The following CALN1 variants were observed in gnomAD, a reference collection of about 807,000 sequenced individuals.
CALN1 encodes the protein calneuron 1, also known as calcium-binding protein 8.
A neutral mutation model predicts 30.6 loss-of-function variants in CALN1; 17 were observed. The observed-to-expected ratio is 0.56, with a 90% CI of 0.38 to 0.83. The LOEUF (loss-of-function observed/expected upper bound fraction) is 0.83. CALN1 is among the 40% of genes least tolerant of loss of function. The probability of loss-of-function intolerance (pLI) is 0.00; values close to 1 mark genes in which losing one functional copy is unlikely to be tolerated. For synonymous variants in CALN1, 156 were observed against 131.4 expected, an observed-to-expected ratio of 1.19 and a Z score of -1.28; for missense variants, 291 against 354.9, an observed-to-expected ratio of 0.82 and a Z score of 1.45.
At chr7:72,035,941 T>C (rs958296228) in intron 4 of CALN1, among the ~76,000 whole-genome samples, 2 of 152,238 alleles carry the variant, frequency 1.3e-5, no homozygotes, top group East Asian at 1.9e-4. Context: ...TTGTGATCTT[T>C]ATTGCTTCAT....
chr7:72,469,490 G>A, the CALN1 span, among the ~76,000 whole-genome samples: 8 of 152,126 alleles, frequency 5.3e-5, no homozygotes, highest in Non-Finnish European at 4.4e-5. Context: ...TCCACCTCCT[G>A]GGTTCAAGCA....
At chr7:72,384,949 T>A (rs1805122410) in intron 2 of CALN1, among the ~76,000 whole-genome samples, 1 of 151,806 alleles carries the variant, frequency 6.6e-6, no homozygotes, top group Non-Finnish European at 1.5e-5. Flanking sequence ...ATCTTAAAAC[T>A]CAAAAATGAA....
At chr7:71,815,840 CTCCT>C (rs957789661) in intron 5 of CALN1, among the ~76,000 whole-genome samples, 5 of 135,574 alleles carry the variant, frequency 3.7e-5, no homozygotes, top group South Asian at 5.4e-4. Context: ...CCCTCCCTCC[CTCCT>C]TCCTTCCTTC....
At chr7:72,080,235 C>T (rs909771828) in intron 4 of CALN1, among the ~76,000 whole-genome samples, 2 of 152,170 alleles carry the variant, frequency 1.3e-5, no homozygotes. Context: ...TCACTTTTCC[C>T]TATGCCTTAA....
intron 2 of CALN1, among the ~76,000 whole-genome samples, chr7:72,355,761 G>A (rs568345488): frequency 2.6e-5 from 4 of 152,190 alleles, no homozygotes; most frequent in Non-Finnish European, 4.4e-5. Flanking sequence ...GAAATTAAAT[G>A]GGTGGATTCC....
intron 1 of CALN1, among the ~76,000 whole-genome samples, chr7:72,433,533 T>G (rs568387891): frequency 1.3e-5 from 2 of 152,120 alleles, no homozygotes. Context: ...TGCTTGCGGC[T>G]CCTAAGTAGA....
intron 5 of CALN1, among the ~76,000 whole-genome samples, chr7:71,998,978 A>G (rs1434487927): frequency 6.6e-6 from 1 of 152,202 alleles, no homozygotes; most frequent in African/African-American, 2.4e-5. Flanking sequence ...AAAATTAATA[A>G]AATGGTAGAC....
At chr7:71,963,933 T>C (rs1324149571) in intron 5 of CALN1, among the ~76,000 whole-genome samples, 3 of 152,174 alleles carry the variant, frequency 2.0e-5, no homozygotes, top group Non-Finnish European at 4.4e-5. Context: ...GCTGAGGAAT[T>C]CATATTCTTA....
chr7:72,028,400 T>C (rs184246005), intron 4 of CALN1, among the ~76,000 whole-genome samples: 1 of 152,278 alleles, frequency 6.6e-6, no homozygotes, highest in East Asian at 1.9e-4. Flanking sequence ...ATGGTGCACT[T>C]GGCTGGGAAC....
At chr7:71,983,770 G>C (rs1197620863) in intron 5 of CALN1, among the ~76,000 whole-genome samples, 1 of 152,126 alleles carries the variant, frequency 6.6e-6, no homozygotes, top group Non-Finnish European at 1.5e-5. Context: ...GACCTCAGGT[G>C]ATCCACCCAC....
At chr7:71,901,769 A>C (rs1793863534) in intron 5 of CALN1, among the ~76,000 whole-genome samples, 1 of 152,192 alleles carries the variant, frequency 6.6e-6, no homozygotes, top group Admixed American at 6.6e-5. Flanking sequence ...AGTTAACTCA[A>C]GATCGATTAA....
intron 2 of CALN1, among the ~76,000 whole-genome samples, chr7:72,382,456 T>C (rs1321305864): frequency 6.6e-6 from 1 of 152,174 alleles, no homozygotes; most frequent in Non-Finnish European, 1.5e-5. Flanking sequence ...GTTATTAGAA[T>C]TGCATTTTTT....
chr7:72,222,943 C>G (rs1793412775), intron 3 of CALN1, among the ~76,000 whole-genome samples: 1 of 152,114 alleles, frequency 6.6e-6, no homozygotes, highest in African/African-American at 2.4e-5. Context: ...ATCGCTTCAG[C>G]CCAGGAGTTA....
intron 3 of CALN1, among the ~76,000 whole-genome samples, chr7:72,126,699 A>G (rs1156449371): frequency 6.6e-6 from 1 of 151,892 alleles, no homozygotes; most frequent in Non-Finnish European, 1.5e-5. Context: ...AGAAGTGAGA[A>G]CATATGATAT....
intron 2 of CALN1, among the ~76,000 whole-genome samples, chr7:72,396,234 C>G (rs1433944812): frequency 3.5e-5 from 1 of 28,354 alleles, no homozygotes; most frequent in Non-Finnish European, 5.3e-5. Flanking sequence ...CTTGTCTCTA[C>G]TAAAAAAAAA....
chr7:72,317,084 G>GAGACACAGAAAGAGAGAGAGAGAAAGAA (rs1562878794), intron 2 of CALN1, among the ~76,000 whole-genome samples: 9 of 109,818 alleles, frequency 8.2e-5, no homozygotes, highest in East Asian at 3.1e-4. Flanking sequence ...CACAGAAAGA[G>GAGACACAGAAAGAGAGAGAGAGAAAGAA]AGAGAGAGAG....
rs376742417 is a variant in CALN1, at chr7:72,347,256, CTTTTTTTT to C, written c.119+55987_119+55994del. Among the ~76,000 whole-genome samples the C allele has an allele frequency of 3.8e-3, 533 of 141,580 alleles. 4 individuals are homozygous for C. The highest frequency in any genetic ancestry group is 0.014 in the Middle Eastern group (4 of 278). 92.9% of individuals were successfully genotyped at this position (141,580 alleles called of 152,430 possible). A position where few individuals can be genotyped will look rare whatever the true frequency, so the allele number is the denominator to read the frequency against. On this transcript the variant is annotated intron_variant, in intron 2 of 6. Coordinates refer to ENST00000395275, the MANE Select transcript of CALN1 (RefSeq NM_031468.4). ...TTTTTCTTTTTTTTTTTCCTTTTTT[CTTTTTTTT>C]GAGACGGAGTTCCCCTCTTTTTGCC...
intron 3 of CALN1, among the ~76,000 whole-genome samples, chr7:72,275,469 C>A (rs116233106): frequency 1.4e-3 from 206 of 152,270 alleles, no homozygotes; most frequent in African/African-American, 4.8e-3. Context: ...CTGCCCAGAG[C>A]CCCGAGATGC....
the CALN1 span, among the ~76,000 whole-genome samples, chr7:72,495,131 G>C: frequency 6.6e-6 from 1 of 152,186 alleles, no homozygotes; most frequent in East Asian, 1.9e-4. Context: ...GGCCATCTTG[G>C]AGTCTGACCA....
Sources: gnomAD v4.1 joint callset for allele counts (sites outside exome capture counted in the v4.1 genomes callset) on GRCh38, gnomAD v4.1.1 for gene constraint, MANE v1.5 for transcripts, NCBI Gene and HGNC (gene_info 2026-07-23, HGNC 2026-07-21) for gene names.